MECOM: variants seen among roughly 807,000 people sequenced by gnomAD.
MECOM encodes the protein MDS1 and EVI1 complex locus.
A neutral mutation model predicts 116.3 loss-of-function variants in MECOM; 13 were observed. The observed-to-expected ratio is 0.11, with a 90% CI of 0.07 to 0.18. The LOEUF is 0.18. MECOM is among the 10% of genes least tolerant of loss of function. The probability of loss-of-function intolerance (pLI) is 1.00; values close to 1 mark genes in which losing one functional copy is unlikely to be tolerated. For missense variants in MECOM, 1,299 were observed against 1,509.0 expected, an observed-to-expected ratio of 0.86 and a Z score of 2.31; for synonymous variants, 528 against 535.2, an observed-to-expected ratio of 0.99 and a Z score of 0.19.
At chr3:169,438,772 GT>G (rs1266958787) in intron 1 of MECOM, among the ~76,000 whole-genome samples, 1 of 152,134 alleles carries the variant, frequency 6.6e-6, no homozygotes, top group African/African-American at 2.4e-5. Flanking sequence ...AATATGCAGT[GT>G]TCGATCCAAT....
chr3:169,341,585 C>T (rs1724537995), intron 2 of MECOM, among the ~76,000 whole-genome samples: 2 of 151,552 alleles, frequency 1.3e-5, no homozygotes, highest in African/African-American at 4.8e-5. Context: ...ACTAAAAATA[C>T]AAAAATTAGC....
chr3:169,148,814 G>A (rs1002591681), intron 2 of MECOM, among the ~76,000 whole-genome samples: 4 of 152,154 alleles, frequency 2.6e-5, no homozygotes, highest in African/African-American at 9.7e-5. Flanking sequence ...GAGGGATTGG[G>A]GGAGAGAAAA....
chr3:169,323,701 T>C (rs908314515), intron 2 of MECOM, among the ~76,000 whole-genome samples: 6 of 152,194 alleles, frequency 3.9e-5, no homozygotes, highest in Non-Finnish European at 7.3e-5. Flanking sequence ...CAATGCATCC[T>C]TGTTCCACAG....
chr3:169,594,884 AAAAAAAAC>A (rs1469536523), intron 1 of MECOM, among the ~76,000 whole-genome samples: 1 of 151,084 alleles, frequency 6.6e-6, no homozygotes, highest in Non-Finnish European at 1.5e-5. Flanking sequence ...AACTGAAAAA[AAAAAAAAC>A]AAAAAAAAAA....
At chr3:169,157,816 A>T (rs1171493064) in intron 2 of MECOM, among the ~76,000 whole-genome samples, 2 of 152,094 alleles carry the variant, frequency 1.3e-5, no homozygotes, top group African/African-American at 4.8e-5. Flanking sequence ...GAAGGGGGGG[A>T]TGCCAGAAGG....
intron 2 of MECOM, among the ~76,000 whole-genome samples, chr3:169,376,069 GA>G (rs1258620010): frequency 6.6e-6 from 1 of 151,244 alleles, no homozygotes; most frequent in Admixed American, 6.6e-5. Context: ...ACAGAACCAT[GA>G]AAAAAAACAC....
intron 1 of MECOM, among the ~76,000 whole-genome samples, chr3:169,599,665 T>C (rs756136801): frequency 3.9e-5 from 6 of 152,218 alleles, no homozygotes; most frequent in African/African-American, 1.4e-4. Context: ...ATTCTCTCAC[T>C]GGGAATGGTT....
Position 169,379,769 on chromosome 3 carries a change from GTTAC to G in MECOM, c.375+1414_375+1417del, listed in dbSNP as rs1261996018. On this transcript the variant is annotated intron_variant, in intron 2 of 16. Transcript: ENST00000651503. ...AGATTTTGTAATAAAAGTTTAATGA[GTTAC>G]TTATTATTAGAATGTTTATAGCCAT... Among the ~76,000 whole-genome samples the G allele has an allele frequency of 1.2e-4, 18 of 152,226 alleles. No homozygotes were observed. The South Asian group carries it at 3.7e-3, about 32-fold the overall frequency.
intron 1 of MECOM, among the ~76,000 whole-genome samples, chr3:169,436,814 T>A (rs1379870871): frequency 6.6e-6 from 1 of 152,124 alleles, no homozygotes; most frequent in Non-Finnish European, 1.5e-5. Context: ...ATATTAAAAA[T>A]TTTTGGAAAT....
chr3:169,535,096 T>G (rs1759188131), intron 1 of MECOM, among the ~76,000 whole-genome samples: 2 of 152,140 alleles, frequency 1.3e-5, no homozygotes, highest in African/African-American at 2.4e-5. Context: ...TGGGCCAACT[T>G]TCCCTGAACT....
intron 3 of MECOM, among the ~76,000 whole-genome samples, chr3:169,139,938 A>G (rs911532040): frequency 6.9e-6 from 1 of 144,040 alleles, no homozygotes; most frequent in Non-Finnish European, 1.5e-5. Context: ...TAAAGGAAAG[A>G]ATATCTAAAT....
chr3:169,657,251 T>C (rs1775645521), intron 1 of MECOM, among the ~76,000 whole-genome samples: 1 of 152,236 alleles, frequency 6.6e-6, no homozygotes, highest in South Asian at 2.1e-4. Context: ...TCACTTACTT[T>C]CTGAACTTAG....
rs530717597 is a variant in MECOM at position 169,213,088 on chromosome 3, A to T, written c.376-69256T>A. 5.3e-5 allele frequency among the ~76,000 whole-genome samples: 8 copies of T among 150,730 alleles called. No individual in the cohort carries two copies. The South Asian group carries it at 1.7e-3, about 32-fold the overall frequency. On this transcript the variant is annotated intron_variant, in intron 2 of 16. Coordinates refer to ENST00000651503, the MANE Select transcript of MECOM (RefSeq NM_004991.4). The stretch of plus-strand genomic sequence containing the variant: ...CTCTCTTTCTTTTTTATTTTTTTTA[A>T]TACTTTTCACTATTTGAAATTTACC...
intron 2 of MECOM, among the ~76,000 whole-genome samples, chr3:169,156,478 CATAA>C (rs1269591632): frequency 6.6e-6 from 1 of 152,118 alleles, no homozygotes; most frequent in Non-Finnish European, 1.5e-5. Context: ...ACAAAACAGT[CATAA>C]ATAAATAAAG....
intron 1 of MECOM, among the ~76,000 whole-genome samples, chr3:169,622,460 C>T (rs563981388): frequency 2.0e-5 from 3 of 152,302 alleles, no homozygotes; most frequent in East Asian, 3.9e-4. Context: ...CATTGGACTC[C>T]ATGTAGCTAA....
intron 1 of MECOM, among the ~76,000 whole-genome samples, chr3:169,578,417 G>A (rs1205958900): frequency 6.6e-6 from 1 of 152,026 alleles, no homozygotes; most frequent in Admixed American, 6.6e-5. Flanking sequence ...ACTTTCTGTA[G>A]CTCTAAGCTT....
At chr3:169,540,191 A>G (rs956832231) in intron 1 of MECOM, among the ~76,000 whole-genome samples, 2 of 152,184 alleles carry the variant, frequency 1.3e-5, no homozygotes, top group Admixed American at 1.3e-4. Flanking sequence ...CAACCAGATT[A>G]AATGTCTTTC....
intron 1 of MECOM, among the ~76,000 whole-genome samples, chr3:169,652,537 G>C (rs1490646347): frequency 6.6e-6 from 1 of 152,096 alleles, no homozygotes; most frequent in Non-Finnish European, 1.5e-5. Context: ...GAGGATAGTT[G>C]TCCAAGACAC....
intron 2 of MECOM, among the ~76,000 whole-genome samples, chr3:169,370,292 A>G (rs948014203): frequency 6.6e-6 from 1 of 152,036 alleles, no homozygotes; most frequent in African/African-American, 2.4e-5. Flanking sequence ...TCTTCAATAA[A>G]TGGTGCTGAG....
Sources: allele counts gnomAD v4.1 joint callset (sites outside exome capture counted in the v4.1 genomes callset), GRCh38; gene constraint gnomAD v4.1.1; transcripts MANE v1.5; gene names NCBI Gene and HGNC (gene_info 2026-07-23, HGNC 2026-07-21).